Variants in CFAP95 observed in about 807,000 individuals in gnomAD.
CFAP95 encodes the protein cilia and flagella associated protein 95, also known as cilia- and flagella-associated protein 95.
At chr9:69,824,020 TC>T in the CFAP95 span, among the ~76,000 whole-genome samples, 4 of 152,200 alleles carry the variant, frequency 2.6e-5, no homozygotes, top group South Asian at 8.3e-4. Context: ...TAGTTTGGGC[TC>T]AGAGGCCTGA....
chr9:69,883,272 G>T, the CFAP95 span, among the ~76,000 whole-genome samples: 1 of 152,174 alleles, frequency 6.6e-6, no homozygotes, highest in Non-Finnish European at 1.5e-5. Flanking sequence ...AGTATTTAAA[G>T]GTTCAGGGCT....
chr9:69,900,209 G>A, the CFAP95 span, among the ~76,000 whole-genome samples: 1 of 151,730 alleles, frequency 6.6e-6, no homozygotes, highest in African/African-American at 2.4e-5. Context: ...GTGGTATTGG[G>A]GACCCCAATA....
At chr9:69,899,683 G>A in the CFAP95 span, among the ~76,000 whole-genome samples, 1 of 152,220 alleles carries the variant, frequency 6.6e-6, no homozygotes, top group South Asian at 2.1e-4. Context: ...CAAACAATAT[G>A]TTTTATGCTG....
At chr9:69,883,814 T>A in the CFAP95 span, among the ~76,000 whole-genome samples, 2 of 84,636 alleles carry the variant, frequency 2.4e-5, no homozygotes, top group African/African-American at 9.2e-5. Context: ...CAATTTTGTT[T>A]ATTTTTTTAA....
chr9:69,820,948 A>G, the CFAP95 span: 2 of 1,614,048 alleles, frequency 1.2e-6, no homozygotes, highest in African/African-American at 1.3e-5. Context: ...AGATCGGACC[A>G]CCGGACTTGG....
At chr9:69,857,286 C>T in the CFAP95 span, among the ~76,000 whole-genome samples, 26 of 152,130 alleles carry the variant, frequency 1.7e-4, no homozygotes, top group African/African-American at 6.0e-4. Flanking sequence ...GATAGAAACT[C>T]TTTATTCATC....
At chr9:69,862,251 T>C in the CFAP95 span, among the ~76,000 whole-genome samples, 2 of 152,228 alleles carry the variant, frequency 1.3e-5, no homozygotes, top group Non-Finnish European at 2.9e-5. Flanking sequence ...CCAAAAGTTG[T>C]TCTCAATTCT....
chr9:69,899,670 G>A, the CFAP95 span, among the ~76,000 whole-genome samples: 1 of 152,230 alleles, frequency 6.6e-6, no homozygotes, highest in Non-Finnish European at 1.5e-5. Context: ...TAAAATGTTT[G>A]TGCAAACAAT....
the CFAP95 span, among the ~76,000 whole-genome samples, chr9:69,848,376 G>T: frequency 2.0e-5 from 3 of 152,186 alleles, no homozygotes; most frequent in African/African-American, 4.8e-5. Flanking sequence ...AGGGCATCTA[G>T]CTGGGTTTCC....
chr9:69,850,397 A>C, the CFAP95 span, among the ~76,000 whole-genome samples: 1 of 152,240 alleles, frequency 6.6e-6, no homozygotes, highest in Non-Finnish European at 1.5e-5. Flanking sequence ...TGAATAGTAC[A>C]AAAGTATATT....
At chr9:69,866,551 T>C in the CFAP95 span, among the ~76,000 whole-genome samples, 1 of 152,226 alleles carries the variant, frequency 6.6e-6, no homozygotes, top group South Asian at 2.1e-4. Context: ...TTTTGTTCTG[T>C]TCAGGCCCTT....
the CFAP95 span, among the ~76,000 whole-genome samples, chr9:69,855,087 T>C: frequency 1.3e-5 from 2 of 152,218 alleles, no homozygotes; most frequent in Non-Finnish European, 2.9e-5. Context: ...TCTGAGACCA[T>C]GATTAATATT....
the CFAP95 span, among the ~76,000 whole-genome samples, chr9:69,858,400 C>G: frequency 2.0e-5 from 3 of 152,280 alleles, no homozygotes; most frequent in African/African-American, 7.2e-5. Flanking sequence ...GTTCTTTTCA[C>G]AGTCTATTCA....
At chr9:69,874,309 C>T in the CFAP95 span, among the ~76,000 whole-genome samples, 1 of 152,088 alleles carries the variant, frequency 6.6e-6, no homozygotes, top group South Asian at 2.1e-4. Flanking sequence ...TAATAAAAGG[C>T]ATTCTCTCTC....
the CFAP95 span, among the ~76,000 whole-genome samples, chr9:69,893,420 G>A: frequency 6.6e-6 from 1 of 152,202 alleles, no homozygotes; most frequent in Non-Finnish European, 1.5e-5. Flanking sequence ...AGAGAATCCA[G>A]AACAGGGTGA....
At chr9:69,826,110 T>C in the CFAP95 span, among the ~76,000 whole-genome samples, 3 of 152,126 alleles carry the variant, frequency 2.0e-5, no homozygotes. Context: ...TTACACAAAA[T>C]CATCTGGGCT....
At chr9:69,825,960 C>A in the CFAP95 span, among the ~76,000 whole-genome samples, 1 of 152,072 alleles carries the variant, frequency 6.6e-6, no homozygotes, top group African/African-American at 2.4e-5. Context: ...ACTTTTCTTC[C>A]CTGCCTAAGC....
chr9:69,844,484 C>T, the CFAP95 span: 4 of 1,386,720 alleles, frequency 2.9e-6, no homozygotes, highest in Non-Finnish European at 4.0e-6. Flanking sequence ...AAATAAACTA[C>T]ATCTCTTAAC....
chr9:69,824,840 C>T, the CFAP95 span, among the ~76,000 whole-genome samples: 7 of 152,136 alleles, frequency 4.6e-5, no homozygotes, highest in Admixed American at 4.6e-4. Flanking sequence ...AGAAACCTAA[C>T]CTTGTATTTC....
Sources: allele counts gnomAD v4.1 joint callset (sites outside exome capture counted in the v4.1 genomes callset), GRCh38; gene constraint gnomAD v4.1.1; transcripts MANE v1.5; gene names NCBI Gene and HGNC (gene_info 2026-07-23, HGNC 2026-07-21).